The following PRTG variants were observed in gnomAD, a reference collection of about 807,000 sequenced individuals.
The protein encoded by PRTG is immunoglobulin superfamily, DCC subclass, member 5.
A neutral mutation model predicts 122.5 loss-of-function variants in PRTG; 67 were observed. The ratio of observed to expected loss-of-function variants is 0.55; its 90% CI spans 0.45 to 0.67. PRTG has a LOEUF of 0.67. Among genes scored for constraint, PRTG ranks in the 30% least tolerant of loss-of-function variants. The pLI, the probability that PRTG is intolerant of heterozygous loss-of-function variation, is 0.00. For missense variants in PRTG, 1,435 were observed against 1,415.4 expected (o/e 1.01, Z -0.22); for synonymous variants, 554 against 501.1 (o/e 1.11, Z -1.41).
At chr15:55,629,075 G>A (rs891053395) in intron 15 of PRTG, 71 bp from the exon 16 acceptor site, 71 of 974,386 alleles carry the variant, frequency 7.3e-5, no homozygotes, top group African/African-American at 2.8e-4. Flanking sequence ...ATACAAACAC[G>A]TTCCTTTATT....
At chr15:55,644,022 A>G (rs2059307097) in intron 11 of PRTG, among the ~76,000 whole-genome samples, 1 of 151,898 alleles carries the variant, frequency 6.6e-6, no homozygotes, top group South Asian at 2.1e-4. Flanking sequence ...ACACCACCAC[A>G]CCTGGCTAAT....
At chr15:55,688,386 G>T (rs1166529450) in intron 2 of PRTG, among the ~76,000 whole-genome samples, 1 of 144,416 alleles carries the variant, frequency 6.9e-6, no homozygotes, top group Non-Finnish European at 1.5e-5. Flanking sequence ...CTCTCTCCAT[G>T]GTCTTTTTTG....
At position 55,680,648 on chromosome 15, in the gene PRTG, G is replaced by A. The variant is rs375414769; in HGVS notation, c.677-20C>T. 3 of 1,429,772 alleles carry A rather than the reference G, an allele frequency of 2.1e-6. No homozygotes were observed. Among genetic ancestry groups the A allele is most frequent in the Admixed American group, 2.3e-5 (1 of 42,906 alleles). 88.6% of individuals were successfully genotyped at this position (1,429,772 alleles called of 1,614,324 possible). A position where few individuals can be genotyped will look rare whatever the true frequency, so the allele number is the denominator to read the frequency against. On this transcript the variant is annotated intron_variant, in intron 4 of 19. Coordinates refer to ENST00000389286, the MANE Select transcript of PRTG (RefSeq NM_173814.6). ...CCTTAGCTTTGGGGAGGAAAAGACA[G>A]AATATAAAAATAAATTATAAATAAG...
At chr15:55,629,375 A>ATATGTGTGTGTG (rs1374294067) in intron 15 of PRTG, among the ~76,000 whole-genome samples, 9 of 47,928 alleles carry the variant, frequency 1.9e-4, no homozygotes, top group Non-Finnish European at 2.9e-4. Flanking sequence ...ATATATATAT[A>ATATGTGTGTGTG]TGTGTGTGTG....
intron 2 of PRTG, among the ~76,000 whole-genome samples, chr15:55,723,392 TAAAA>T (rs74974276): frequency 9.6e-6 from 1 of 103,990 alleles, no homozygotes; most frequent in Non-Finnish European, 2.0e-5. Context: ...TATAATGATC[TAAAA>T]AAAAAAAAAA....
Position 55,624,281 on chromosome 15 carries a change from T to TAC in PRTG, c.3093+59_3093+60dup, listed in dbSNP as rs2059182126. ...ATACAATTTTGGGGGAAGTACATTT[T>TAC]ACACACACAGGGAGGAGGAATGGAA... On this transcript the variant is annotated intron_variant, in intron 18 of 19. Transcript: ENST00000389286. 4 of 1,495,596 alleles carry TAC rather than the reference T, an allele frequency of 2.7e-6. No individual in the cohort carries two copies. In the Admixed American group the frequency reaches 7.2e-5, roughly 27 times the overall value. The allele number at this position is 1,495,596 out of a possible 1,614,324, so 92.6% of individuals were successfully genotyped here.
intron 11 of PRTG, among the ~76,000 whole-genome samples, chr15:55,665,033 TG>T (rs2059430866): frequency 6.6e-6 from 1 of 150,504 alleles, no homozygotes; most frequent in Admixed American, 6.6e-5. Context: ...CCGAGGCGGG[TG>T]GATCACGAGG....
chr15:55,689,632 T>TAAA (rs5812811), intron 2 of PRTG, among the ~76,000 whole-genome samples: 3 of 144,092 alleles, frequency 2.1e-5, no homozygotes, highest in Non-Finnish European at 1.5e-5. Flanking sequence ...GAACTTAAAT[T>TAAA]AAAAAAAAAA....
rs559459562 is a variant in PRTG at position 55,665,020 on chromosome 15, A to C, written c.2041+7425T>G. On this transcript the variant is annotated intron_variant, in intron 11 of 19. Coordinates refer to ENST00000389286, the MANE Select transcript of PRTG (RefSeq NM_173814.6). ...ACGCCTGTAATCCCAGCACTTTGGG[A>C]GGCCGAGGCGGGTGGATCACGAGGT... is the stretch of plus-strand genomic sequence containing the variant. Among the ~76,000 whole-genome samples the C allele has an allele frequency of 3.9e-5, 6 of 152,114 alleles. No homozygotes were observed. In the South Asian group the frequency reaches 1.2e-3, roughly 32 times the overall value.
intron 15 of PRTG, among the ~76,000 whole-genome samples, chr15:55,632,769 T>A (rs907798579): frequency 1.3e-5 from 2 of 152,252 alleles, no homozygotes; most frequent in African/African-American, 4.8e-5. Flanking sequence ...TTATAGCATT[T>A]ATGACACTAC....
In PRTG at chr15:55,692,835, CTTTTTT is replaced by C. The variant is rs774248341; in HGVS notation, c.398-8910_398-8905del. Among the ~76,000 whole-genome samples the C allele has an allele frequency of 1.5e-4, 11 of 74,978 alleles. No homozygotes were observed. In the South Asian group the frequency reaches 4.0e-3, roughly 27 times the overall value. The allele number at this position is 74,978 out of a possible 152,430, so 49.2% of individuals were successfully genotyped here. A position where few individuals can be genotyped will look rare whatever the true frequency, so the allele number is the denominator to read the frequency against. ...TGTTTTTCCAATTTTAATGCAATCTCTTTTTTTTTTTTTTTTTTTTTTTGAGATGGA... is the reference window on the plus strand; with the variant it reads ...TGTTTTTCCAATTTTAATGCAATCTCTTTTTTTTTTTTTTTTTGAGATGGA... On this transcript the variant is annotated intron_variant, in intron 2 of 19. Transcript: ENST00000389286.
chr15:55,663,074 A>C (rs1263450216), intron 11 of PRTG, among the ~76,000 whole-genome samples: 1 of 152,222 alleles, frequency 6.6e-6, no homozygotes, highest in African/African-American at 2.4e-5. Flanking sequence ...TAAAAGTACC[A>C]TCCCTTAGAA....
chr15:55,710,256 TCA>T (rs1319470182), intron 2 of PRTG, among the ~76,000 whole-genome samples: 1 of 152,188 alleles, frequency 6.6e-6, no homozygotes, highest in Non-Finnish European at 1.5e-5. Flanking sequence ...CTATTGAAAA[TCA>T]CAAATATTTT....
chr15:55,697,167 C>G (rs535548136), intron 2 of PRTG, among the ~76,000 whole-genome samples: 202 of 152,336 alleles, frequency 1.3e-3, no homozygotes, highest in Admixed American at 7.8e-4. Flanking sequence ...CTCCTGACCA[C>G]TGGGCCACTC....
intron 2 of PRTG, among the ~76,000 whole-genome samples, chr15:55,706,796 G>A (rs1269054053): frequency 2.6e-5 from 4 of 151,988 alleles, no homozygotes; most frequent in Admixed American, 1.3e-4. Flanking sequence ...GAGGGAGAGC[G>A]AGGCAGGGTA....
intron 13 of PRTG, among the ~76,000 whole-genome samples, chr15:55,639,412 T>C (rs541693527): frequency 2.0e-5 from 3 of 152,334 alleles, no homozygotes; most frequent in African/African-American, 4.8e-5. Flanking sequence ...TCTTGTTGCA[T>C]GAGGCAAGGA....
At chr15:55,725,035 A>AT (rs1222083455) in intron 2 of PRTG, among the ~76,000 whole-genome samples, 1 of 152,204 alleles carries the variant, frequency 6.6e-6, no homozygotes, top group Non-Finnish European at 1.5e-5. Context: ...GCAGTATTGT[A>AT]TTTTTGGTTT....
At position 55,688,076 on chromosome 15, in the gene PRTG, A is replaced by G. The variant is rs753227901; in HGVS notation, c.398-4145T>C. The stretch of plus-strand genomic sequence containing the variant: ...AACCTCAAAAAACAAAAGGAAGAAA[A>G]CTCTAAACATGTCTTTACATCACGT... On this transcript the variant is annotated intron_variant, in intron 2 of 19. Coordinates refer to ENST00000389286, the MANE Select transcript of PRTG (RefSeq NM_173814.6). Among the ~76,000 whole-genome samples the G allele has an allele frequency of 3.6e-4, 55 of 152,032 alleles. 1 individual carries two copies. The highest frequency in any genetic ancestry group is 1.0e-4 in the Non-Finnish European group (7 of 68,006).
chr15:55,731,124 CTCTTT>C (rs1472500976), intron 2 of PRTG, among the ~76,000 whole-genome samples: 2 of 142,522 alleles, frequency 1.4e-5, no homozygotes, highest in Admixed American at 7.1e-5. Context: ...TACTTTGTCT[CTCTTT>C]TATTTATTTA....
Sources: allele counts gnomAD v4.1 joint callset (sites outside exome capture counted in the v4.1 genomes callset), GRCh38; gene constraint gnomAD v4.1.1; transcripts MANE v1.5; gene names NCBI Gene and HGNC (gene_info 2026-07-23, HGNC 2026-07-21).